Variants in XRCC4 observed in about 807,000 individuals in gnomAD.
The protein encoded by XRCC4 is DNA repair protein XRCC4.
Under a neutral mutation model 39.1 loss-of-function variants are expected in XRCC4, and 28 were observed. The ratio of observed to expected loss-of-function variants is 0.72; its 90% confidence interval spans 0.53 to 0.98. XRCC4 has a LOEUF of 0.98. XRCC4 is among the 50% of genes least tolerant of loss of function. The pLI is 0.00. For synonymous variants in XRCC4, 123 were observed against 126.4 expected (o/e 0.97, Z 0.18); for missense variants, 350 against 376.4 (o/e 0.93, Z 0.58).
At chr5:83,202,225 CAA>C (rs1486833878) in intron 4 of XRCC4, 1 of 152,082 alleles carries the variant, frequency 6.6e-6, no homozygotes, top group Admixed American at 6.5e-5. Context: ...ATAAATAAAC[CAA>C]AAAGATGTCC....
At chr5:83,298,406 T>A (rs1755167384) in intron 7 of XRCC4, among the ~76,000 whole-genome samples, 1 of 151,980 alleles carries the variant, frequency 6.6e-6, no homozygotes, top group Admixed American at 6.6e-5. Flanking sequence ...GTTGTCAATC[T>A]AAGGCTGTAT....
At chr5:83,217,654 T>C (rs1751915954) in intron 6 of XRCC4, among the ~76,000 whole-genome samples, 1 of 152,190 alleles carries the variant, frequency 6.6e-6, no homozygotes, top group Non-Finnish European at 1.5e-5. Flanking sequence ...TTCTGTAGCC[T>C]GTGTAACTCT....
chr5:83,159,838 T>C (rs1749123222), intron 3 of XRCC4, among the ~76,000 whole-genome samples: 1 of 152,162 alleles, frequency 6.6e-6, no homozygotes, highest in African/African-American at 2.4e-5. Context: ...TTACCTGTAG[T>C]CTATGGACAC....
intron 6 of XRCC4, among the ~76,000 whole-genome samples, chr5:83,251,376 T>C (rs1753303638): frequency 6.6e-6 from 1 of 151,804 alleles, no homozygotes; most frequent in Non-Finnish European, 1.5e-5. Context: ...ATACAAAAAT[T>C]AGCTGGGTGT....
chr5:83,287,788 T>C (rs2112969559), intron 7 of XRCC4, among the ~76,000 whole-genome samples: 1 of 151,988 alleles, frequency 6.6e-6, no homozygotes, highest in East Asian at 1.9e-4. Flanking sequence ...ATTTTATTGA[T>C]TTCTGCCCTA....
At chr5:83,255,043 C>T (rs182523098) in intron 6 of XRCC4, among the ~76,000 whole-genome samples, 5 of 150,972 alleles carry the variant, frequency 3.3e-5, no homozygotes, top group African/African-American at 9.8e-5. Context: ...GCCGAGATCA[C>T]GCCATTGCGC....
intron 1 of XRCC4, among the ~76,000 whole-genome samples, chr5:83,078,147 A>C (rs1744755876): frequency 6.6e-6 from 1 of 152,248 alleles, no homozygotes; most frequent in Non-Finnish European, 1.5e-5. Flanking sequence ...TACTTTAAAG[A>C]GATCAACTGG....
At chr5:83,128,565 G>T (rs549735778) in intron 3 of XRCC4, among the ~76,000 whole-genome samples, 1 of 152,254 alleles carries the variant, frequency 6.6e-6, no homozygotes, top group East Asian at 1.9e-4. Context: ...TTCCACAATG[G>T]TTGAACTAGT....
chr5:83,263,335 T>C (rs1753832023), intron 7 of XRCC4, among the ~76,000 whole-genome samples: 2 of 151,856 alleles, frequency 1.3e-5, no homozygotes, highest in Non-Finnish European at 1.5e-5. Flanking sequence ...AGCAGCATGA[T>C]TTATAGTCCT....
intron 3 of XRCC4, among the ~76,000 whole-genome samples, chr5:83,115,257 G>A (rs767495333): frequency 1.2e-3 from 184 of 152,170 alleles, no homozygotes; most frequent in African/African-American, 4.0e-3. Context: ...GAGAAACCCC[G>A]TCTCTACTAA....
chr5:83,121,838 C>T (rs1329702641), intron 3 of XRCC4, among the ~76,000 whole-genome samples: 2 of 152,066 alleles, frequency 1.3e-5, no homozygotes, highest in Admixed American at 6.6e-5. Flanking sequence ...CATTTAGAGT[C>T]TGTGATACAT....
At chr5:83,256,122 T>C (rs184776954) in intron 6 of XRCC4, among the ~76,000 whole-genome samples, 2 of 152,312 alleles carry the variant, frequency 1.3e-5, no homozygotes, top group Admixed American at 1.3e-4. Flanking sequence ...CAGTTATTGA[T>C]TGAAATATGA....
intron 3 of XRCC4, among the ~76,000 whole-genome samples, chr5:83,134,304 T>G (rs1422049560): frequency 6.6e-6 from 1 of 151,972 alleles, no homozygotes; most frequent in African/African-American, 2.4e-5. Flanking sequence ...TGGAGAACTT[T>G]TGTGTCTAGC....
chr5:83,114,308 G>T (rs73142126), intron 3 of XRCC4, among the ~76,000 whole-genome samples: 59 of 152,150 alleles, frequency 3.9e-4, no homozygotes, highest in African/African-American at 1.4e-3. Flanking sequence ...TATGCAGCAG[G>T]CTTGAATTTT....
intron 7 of XRCC4, chr5:83,280,193 G>A: frequency 3.7e-6 from 1 of 269,258 alleles, no homozygotes; most frequent in Non-Finnish European, 7.7e-6. Flanking sequence ...CCAAAATGAG[G>A]TTTCACCAAG....
chr5:83,199,251 C>T (rs1001870597), intron 4 of XRCC4, among the ~76,000 whole-genome samples: 11 of 152,124 alleles, frequency 7.2e-5, no homozygotes, highest in Non-Finnish European at 1.0e-4. Context: ...TAAGAACTGT[C>T]GCAGTCAGAA....
intron 3 of XRCC4, among the ~76,000 whole-genome samples, chr5:83,188,472 A>G (rs941072863): frequency 1.3e-5 from 2 of 152,232 alleles, no homozygotes; most frequent in African/African-American, 4.8e-5. Flanking sequence ...CCTCTGTGTT[A>G]GTCCATTCTT....
intron 3 of XRCC4, among the ~76,000 whole-genome samples, chr5:83,168,765 A>G (rs544194840): frequency 5.9e-5 from 9 of 152,352 alleles, no homozygotes; most frequent in African/African-American, 2.2e-4. Context: ...GAAGACATTA[A>G]AAGAAAGATT....
At chr5:83,365,968 GTTC>G in the XRCC4 span, among the ~76,000 whole-genome samples, 1 of 152,114 alleles carries the variant, frequency 6.6e-6, no homozygotes, top group South Asian at 2.1e-4. Context: ...GTGCAAACCT[GTTC>G]TTCTTACAGG....
Sources: gnomAD v4.1 joint callset for allele counts (sites outside exome capture counted in the v4.1 genomes callset) on GRCh38, gnomAD v4.1.1 for gene constraint, MANE v1.5 for transcripts, NCBI Gene and HGNC (gene_info 2026-07-23, HGNC 2026-07-21) for gene names.